The following PWWP3A variants were observed in gnomAD, a reference collection of about 807,000 sequenced individuals.
The protein encoded by PWWP3A is PWWP domain containing 3A, DNA repair factor, also known as PWWP domain-containing DNA repair factor 3A.
In PWWP3A, 53 loss-of-function variants were observed where a neutral mutation model predicts 79.0. The observed-to-expected ratio is 0.67, with a 90% CI of 0.54 to 0.84. PWWP3A has a LOEUF of 0.84. Ranked by LOEUF, PWWP3A falls within the 40% of genes least tolerant of loss-of-function variation. The probability of loss-of-function intolerance (pLI) is 0.00; values close to 1 mark genes in which losing one functional copy is unlikely to be tolerated. For missense variants in PWWP3A, 973 were observed against 948.0 expected, an observed-to-expected ratio of 1.03 and a Z score of -0.35; for synonymous variants, 443 against 394.4, an observed-to-expected ratio of 1.12 and a Z score of -1.46.
Position 1,369,158 on chromosome 19 carries a change from GT to G in PWWP3A, c.1423-106del. ...GAGGGTCAGAGGTGCGGGCTGGAGC[GT>G]GAGCAGCCTGGACACCTGGCTGGTC... On this transcript the variant is annotated intron_variant, in intron 9 of 13. Transcript: ENST00000591337. This position sits in a 1 kb window ranked among gnomAD's most constrained non-coding sequence, Gnocchi z 4.0. 2.0e-6 allele frequency: 2 copies of G among 989,018 alleles called. No homozygotes were observed. The highest frequency in any genetic ancestry group is 2.8e-5 in the South Asian group (2 of 71,730). The allele number at this position is 989,018 out of a possible 1,614,324, so 61.3% of individuals were successfully genotyped here.
chr19:1,355,916 T>C (rs1370784024), intron 1 of PWWP3A, among the ~76,000 whole-genome samples: 3 of 152,128 alleles, frequency 2.0e-5, no homozygotes, highest in African/African-American at 7.2e-5. Flanking sequence ...GCAGTCGTTT[T>C]TCCGCTCTTA....
At chr19:1,370,329 T>C (rs2082224064) in intron 11 of PWWP3A, among the ~76,000 whole-genome samples, 1 of 152,238 alleles carries the variant, frequency 6.6e-6, no homozygotes, top group East Asian at 1.9e-4. Context: ...GAGTTTTCCA[T>C]GCCTCCTGGT....
intron 5 of PWWP3A, among the ~76,000 whole-genome samples, 190 bp downstream of exon 5, chr19:1,361,222 C>A (rs943478613): frequency 6.6e-6 from 1 of 152,206 alleles, no homozygotes; most frequent in Non-Finnish European, 1.5e-5. Flanking sequence ...GCTTCAACTT[C>A]TAAATATTTG....
In PWWP3A at chr19:1,376,303, T is replaced by G. The variant is rs555567498; in HGVS notation, c.2076-216T>G. Among the ~76,000 whole-genome samples, 119 of 96,906 alleles carry G rather than the reference T, an allele frequency of 1.2e-3. 6 individuals are homozygous for G. Among genetic ancestry groups the G allele is most frequent in the Middle Eastern group, 5.0e-3 (1 of 202 alleles). The allele number at this position is 96,906 out of a possible 152,430, so 63.6% of individuals were successfully genotyped here. On this transcript the variant is annotated intron_variant, in intron 13 of 13. Coordinates refer to ENST00000591337, the MANE Select transcript of PWWP3A (RefSeq NM_001369789.1). ...ACCACGCCCGGCTGTTTGTTTTTTT[T>G]TTTGTTTGTTTTTTTTTTTTTTTGG...
intron 3 of PWWP3A, chr19:1,357,417 T>TG (rs56300185): frequency 1.7e-5 from 3 of 173,826 alleles, no homozygotes; most frequent in African/African-American, 7.2e-5. Flanking sequence ...TTTTTTTTTT[T>TG]GACTGTTTCT....
At chr19:1,371,461 C>G in intron 12 of PWWP3A, 3 of 694,480 alleles carry the variant, frequency 4.3e-6, no homozygotes, top group Non-Finnish European at 7.9e-6. Flanking sequence ...CCAGATAAAC[C>G]CACTGTAAGT....
Position 1,360,103 on chromosome 19 carries a change from G to C in PWWP3A, c.215-33G>C. The C allele has an allele frequency of 6.6e-7, 1 of 1,515,360 alleles. No homozygotes were observed. Among genetic ancestry groups the C allele is most frequent in the Non-Finnish European group, 8.8e-7 (1 of 1,134,596 alleles). 93.9% of individuals were successfully genotyped at this position (1,515,360 alleles called of 1,614,324 possible). The stretch of plus-strand genomic sequence containing the variant: ...TGACCGCAGTGCCTGTGCAGTGAAC[G>C]TAACCGGCATTGTGTATGTTCGGTC... On this transcript the variant is annotated intron_variant, in intron 4 of 13. Transcript: ENST00000591337. This position sits in a 1 kb window ranked among gnomAD's most constrained non-coding sequence, Gnocchi z 4.4.
At chr19:1,375,288 C>A (rs527752485) in intron 13 of PWWP3A, among the ~76,000 whole-genome samples, 3 of 149,616 alleles carry the variant, frequency 2.0e-5, no homozygotes, top group African/African-American at 7.4e-5. Flanking sequence ...GTGTATGGTT[C>A]GATGGCGGTG....
chr19:1,360,338 C>G lies in PWWP3A; in HGVS notation c.417C>G (p.Pro139=), dbSNP rs1012392348. 1.9e-6 allele frequency: 3 copies of G among 1,613,990 alleles called. No homozygotes were observed. In the African/African-American group the frequency reaches 4.0e-5, roughly 22 times the overall value. The change falls in exon 5 of 14, where the codon CCC becomes CCG. Residue 139 remains proline, a synonymous_variant. Transcript: ENST00000591337. This position sits in a 1 kb window ranked among gnomAD's most constrained non-coding sequence, Gnocchi z 4.4. ...GTGATTCGAACTCCTCATCTCTTCCCCGCGGAGACGTGTTGGGCAGTTCCA... is the reference window on the plus strand; with the variant it reads ...GTGATTCGAACTCCTCATCTCTTCCGCGCGGAGACGTGTTGGGCAGTTCCA... ...SPCDSNSSSL[P]RGDVLGSSRP...
chr19:1,356,953 T>C, intron 2 of PWWP3A, 56 bp from the exon 3 acceptor site: 1 of 1,439,816 alleles, frequency 6.9e-7, no homozygotes, highest in African/African-American at 1.4e-5. Context: ...AGTTTGCCAC[T>C]GTTTCTCACT....
chr19:1,376,283 G>A (rs1301396428), intron 13 of PWWP3A, among the ~76,000 whole-genome samples: 2 of 135,248 alleles, frequency 1.5e-5, no homozygotes, highest in Non-Finnish European at 3.1e-5. Flanking sequence ...GCGCCACCAC[G>A]CCCGGCTGTT....
intron 5 of PWWP3A, 183 bp from the exon 6 acceptor site, chr19:1,362,067 C>G (rs576333384): frequency 6.9e-6 from 3 of 432,200 alleles, no homozygotes; most frequent in Middle Eastern, 3.8e-4. Context: ...TTCCCTCTTG[C>G]GTTTTTCTTT....
rs200422002 is a variant in PWWP3A, at chr19:1,367,169, G to A, written c.1371G>A (p.Val457=). Residue 457 remains valine (V), a synonymous_variant, in exon 9 of 14, where the codon GTG becomes GTA. Transcript: ENST00000591337. Reference sequence around the variant, plus strand: ...CTCTCTCTGCTTCAAGTTTCACAGTGTCTCTTAAAAGTTTAAAGCACTTTG... The same window carrying A: ...CTCTCTCTGCTTCAAGTTTCACAGTATCTCTTAAAAGTTTAAAGCACTTTG... ...HMNPKMKGFT[V]SLKSLKHFDC... 4 of 1,612,464 alleles carry A rather than the reference G, an allele frequency of 2.5e-6. No homozygotes were observed. The highest frequency in any genetic ancestry group is 8.5e-7 in the Non-Finnish European group (1 of 1,179,284).
At chr19:1,358,882 G>T in intron 4 of PWWP3A, 2 of 400,494 alleles carry the variant, frequency 5.0e-6, no homozygotes, top group South Asian at 1.8e-5. Flanking sequence ...GCAGTTGGTT[G>T]TGTGTTTAAA....
rs762667020 is a variant in PWWP3A, at chr19:1,360,147, G to T, written c.226G>T (p.Glu76Ter). Residue 76 changes from glutamate (E) to a stop codon, truncating the protein, a stop_gained, in exon 5 of 14, where the codon GAG becomes TAG. Coordinates refer to ENST00000591337, the MANE Select transcript of PWWP3A (RefSeq NM_001369789.1). LOFTEE classifies it high-confidence loss of function. The surrounding 1 kb of genome is among the most constrained non-coding windows in gnomAD (Gnocchi z 4.4). ...TTCGGTCCTTGCAGCCTCACAGAAT[G>T]AGGTTCCTGCGGCACCCCTGGAAGA... ...AIASSLASQN[E>*]VPAAPLEELA... 6.4e-7 allele frequency: 1 copy of T among 1,559,710 alleles called. No homozygotes were observed. The highest frequency in any genetic ancestry group is 2.3e-5 in the East Asian group (1 of 44,434).
At chr19:1,371,805 CTT>C (rs1237018248) in intron 12 of PWWP3A, among the ~76,000 whole-genome samples, 35 of 127,656 alleles carry the variant, frequency 2.7e-4, no homozygotes, top group Admixed American at 3.9e-4. Context: ...AACCCTCAAG[CTT>C]TTTTTTTTTT....
chr19:1,368,733 C>T lies in PWWP3A; in HGVS notation c.1423-532C>T, dbSNP rs911505246. On this transcript the variant is annotated intron_variant, in intron 9 of 13. Coordinates refer to ENST00000591337, the MANE Select transcript of PWWP3A (RefSeq NM_001369789.1). This position sits in a 1 kb window ranked among gnomAD's most constrained non-coding sequence, Gnocchi z 4.7. ...CCTGGCTGCAGACGATAGCTCCCAA[C>T]AAAAACGGCTGTTAGAGCAGCTTAT... Among the ~76,000 whole-genome samples the T allele has an allele frequency of 2.0e-5, 3 of 152,230 alleles. No homozygotes were observed. Among genetic ancestry groups the T allele is most frequent in the Non-Finnish European group, 2.9e-5 (2 of 68,032 alleles).
rs569128486 is a variant in PWWP3A at position 1,369,797 on chromosome 19, T to A, written c.1549+151T>A. The A allele has an allele frequency of 5.3e-6, 5 of 948,754 alleles. No individual in the cohort carries two copies. The East Asian group carries it at 1.2e-4, about 23-fold the overall frequency. The allele number at this position is 948,754 out of a possible 1,614,324, so 58.8% of individuals were successfully genotyped here. On this transcript the variant is annotated intron_variant, in intron 11 of 13. Coordinates refer to ENST00000591337, the MANE Select transcript of PWWP3A (RefSeq NM_001369789.1). The surrounding 1 kb of genome is among the most constrained non-coding windows in gnomAD (Gnocchi z 4.0). ...TTGTTCAACCTCTATGAGGTTTTGA[T>A]GTGACCCTGAGGCTCCCTGGGACCT...
Position 1,377,025 on chromosome 19 carries a change from C to CT in PWWP3A, c.*451dup, listed in dbSNP as rs2082417046. The CT allele has an allele frequency of 6.5e-6, 1 of 153,644 alleles. No individual in the cohort carries two copies. Among genetic ancestry groups the CT allele is most frequent in the African/African-American group, 2.4e-5 (1 of 41,324 alleles). The allele number at this position is 153,644 out of a possible 1,614,324, so 9.5% of individuals were successfully genotyped here. A position where few individuals can be genotyped will look rare whatever the true frequency, so the allele number is the denominator to read the frequency against. ...GGTTTGCTGTTTTGTCTGTTTCCCC[C>CT]TTGTGTGGTTTCCGCCTGCGACAGT... On this transcript the variant is annotated 3_prime_UTR_variant, in exon 14 of 14. Coordinates refer to ENST00000591337, the MANE Select transcript of PWWP3A (RefSeq NM_001369789.1).
Sources: gnomAD v4.1 joint callset for allele counts (sites outside exome capture counted in the v4.1 genomes callset) on GRCh38, gnomAD v4.1.1 for gene constraint, Gnocchi (gnomAD v3.1) non-coding constraint, MANE v1.5 for transcripts, NCBI Gene and HGNC (gene_info 2026-07-23, HGNC 2026-07-21) for gene names.